Variants in CNTNAP5 observed in about 807,000 individuals in gnomAD.
The protein encoded by CNTNAP5 is contactin associated protein family member 5, also known as contactin-associated protein-like 5.
Under a neutral mutation model 150.2 loss-of-function variants are expected in CNTNAP5, and 72 were observed. The ratio of observed to expected loss-of-function variants is 0.48; its 90% confidence interval spans 0.40 to 0.58. The LOEUF (loss-of-function observed/expected upper bound fraction) is 0.58. CNTNAP5 is among the 20% of genes least tolerant of loss of function. The pLI is 0.00. For missense variants in CNTNAP5, 1,636 were observed against 1,626.2 expected, an observed-to-expected ratio of 1.01 and a Z score of -0.10; for synonymous variants, 672 against 619.8, an observed-to-expected ratio of 1.08 and a Z score of -1.25.
At chr2:124,438,479 G>T (rs1692591965) in intron 5 of CNTNAP5, among the ~76,000 whole-genome samples, 1 of 152,110 alleles carries the variant, frequency 6.6e-6, no homozygotes, top group Non-Finnish European at 1.5e-5. Flanking sequence ...TTTAACTGAG[G>T]CAGGATGTTT....
In CNTNAP5 at chr2:124,671,661, A is replaced by C. The variant is rs536309909; in HGVS notation, c.2077+23703A>C. On this transcript the variant is annotated intron_variant, in intron 13 of 23. Transcript: ENST00000682447. ...ATTTTTAGTTATTTATATTTTTGAG[A>C]TGGGGTCTCACTCTGTTGCCCAGGC... Among the ~76,000 whole-genome samples, 3 of 152,132 alleles carry C rather than the reference A, an allele frequency of 2.0e-5. No individual in the cohort carries two copies. In the South Asian group the frequency reaches 6.2e-4, roughly 32 times the overall value.
At chr2:124,713,318 CCTTTCTTTCTTT>C (rs200942591) in intron 13 of CNTNAP5, among the ~76,000 whole-genome samples, 1,564 of 43,894 alleles carry the variant, frequency 0.036, 89 homozygotes, top group Admixed American at 0.07. Flanking sequence ...CTCTTTCTTT[CCTTTCTTTCTTT>C]CTTTCTTTCT....
In CNTNAP5 at chr2:124,361,409, T is replaced by C. The variant is rs1032978349; in HGVS notation, c.382-56034T>C. ...TCTGCATTTTAGAGTTTCCAGATTT[T>C]CTGTTCTGTTTTTTCCCCATCTTTG... On this transcript the variant is annotated intron_variant, in intron 3 of 23. Coordinates refer to ENST00000682447, the MANE Select transcript of CNTNAP5 (RefSeq NM_001367498.1). 4.2e-5 allele frequency among the ~76,000 whole-genome samples: 6 copies of C among 143,812 alleles called. 2 individuals carry two copies. The highest frequency in any genetic ancestry group is 9.2e-5 in the Non-Finnish European group (6 of 65,348). 94.3% of individuals were successfully genotyped at this position (143,812 alleles called of 152,430 possible). A position where few individuals can be genotyped will look rare whatever the true frequency, so the allele number is the denominator to read the frequency against.
In CNTNAP5 at chr2:124,914,372, A is replaced by G. The variant is rs755883652; in HGVS notation, c.*84A>G. 7.1e-6 allele frequency: 7 copies of G among 989,710 alleles called. No individual in the cohort carries two copies. Among genetic ancestry groups the G allele is most frequent in the Non-Finnish European group, 1.1e-5 (7 of 661,872 alleles). The allele number at this position is 989,710 out of a possible 1,614,324, so 61.3% of individuals were successfully genotyped here. On this transcript the variant is annotated 3_prime_UTR_variant, in exon 24 of 24. Coordinates refer to ENST00000682447, the MANE Select transcript of CNTNAP5 (RefSeq NM_001367498.1). ...TTCTCTCCTGTCTTTTGATTTGGTCATTCTCTTTATTTTCTGCTTGCCATG... is the reference window on the plus strand; with the variant it reads ...TTCTCTCCTGTCTTTTGATTTGGTCGTTCTCTTTATTTTCTGCTTGCCATG...
intron 11 of CNTNAP5, among the ~76,000 whole-genome samples, chr2:124,598,539 CTCT>C (rs201041505): frequency 0.42 from 60,027 of 144,218 alleles, 12,238 homozygotes; most frequent in East Asian, 0.77. Flanking sequence ...AACCACTGCT[CTCT>C]TCAAGGCTGT....
chr2:124,392,214 G>T (rs936553895), intron 3 of CNTNAP5, among the ~76,000 whole-genome samples: 8 of 152,100 alleles, frequency 5.3e-5, no homozygotes, highest in Non-Finnish European at 8.8e-5. Flanking sequence ...TTACTGTGAA[G>T]AAATGTTAGC....
At chr2:124,433,492 G>C (rs557307716) in intron 4 of CNTNAP5, among the ~76,000 whole-genome samples, 1 of 152,070 alleles carries the variant, frequency 6.6e-6, no homozygotes, top group Non-Finnish European at 1.5e-5. Context: ...TCAGGCTGAG[G>C]ATTTTAATTA....
intron 1 of CNTNAP5, among the ~76,000 whole-genome samples, chr2:124,154,344 C>T (rs1684475671): frequency 6.6e-6 from 1 of 151,986 alleles, no homozygotes; most frequent in African/African-American, 2.4e-5. Context: ...GTAGTAGGTG[C>T]CAGAGACAAG....
intron 1 of CNTNAP5, among the ~76,000 whole-genome samples, chr2:124,103,450 G>A (rs1287548833): frequency 3.9e-5 from 6 of 151,916 alleles, no homozygotes; most frequent in Non-Finnish European, 4.4e-5. Flanking sequence ...CTGAGTCACC[G>A]AGAGCAACTT....
At chr2:124,487,631 G>A (rs1008248460) in intron 7 of CNTNAP5, among the ~76,000 whole-genome samples, 5 of 151,888 alleles carry the variant, frequency 3.3e-5, no homozygotes, top group Admixed American at 6.6e-5. Context: ...CATACACACG[G>A]AATGAGCTTG....
intron 3 of CNTNAP5, among the ~76,000 whole-genome samples, chr2:124,324,481 G>A (rs1471831229): frequency 1.3e-5 from 2 of 152,218 alleles, no homozygotes; most frequent in Non-Finnish European, 2.9e-5. Context: ...GCGGTAAATG[G>A]AATATGGGAC....
chr2:124,803,167 A>G (rs967735157), intron 19 of CNTNAP5, among the ~76,000 whole-genome samples: 2 of 151,908 alleles, frequency 1.3e-5, no homozygotes, highest in Non-Finnish European at 2.9e-5. Context: ...TAAAAAAACG[A>G]ATGTCATCGA....
At chr2:124,425,795 G>A (rs1372539629) in intron 4 of CNTNAP5, among the ~76,000 whole-genome samples, 2 of 152,112 alleles carry the variant, frequency 1.3e-5, no homozygotes, top group African/African-American at 4.8e-5. Flanking sequence ...CGAGTTCCTC[G>A]GTGGCATGGC....
chr2:124,461,505 C>T (rs1273118400), intron 6 of CNTNAP5, among the ~76,000 whole-genome samples: 1 of 124,252 alleles, frequency 8.0e-6, no homozygotes, highest in South Asian at 2.6e-4. Context: ...GGAAGGGGAA[C>T]ATCACACTCA....
intron 19 of CNTNAP5, among the ~76,000 whole-genome samples, chr2:124,838,151 ATAGTTAACATT>A (rs1278741230): frequency 2.6e-5 from 4 of 152,158 alleles, no homozygotes; most frequent in Non-Finnish European, 5.9e-5. Flanking sequence ...AATTGCAAGA[ATAGTTAACATT>A]TAGGAATATT....
intron 3 of CNTNAP5, among the ~76,000 whole-genome samples, chr2:124,269,999 T>A (rs1014465896): frequency 4.6e-5 from 7 of 152,216 alleles, no homozygotes; most frequent in Middle Eastern, 3.4e-3. Context: ...TTATATTTTT[T>A]AAAAAATATA....
In CNTNAP5 at chr2:124,888,708, G is replaced by A. The variant is rs2791630; in HGVS notation, c.3437-14174G>A. On this transcript the variant is annotated intron_variant, in intron 21 of 23. Coordinates refer to ENST00000682447, the MANE Select transcript of CNTNAP5 (RefSeq NM_001367498.1). ...TCTCTCTAACAATTAGTGATGTTGA[G>A]CATTTTTTCATAAGTCTGTCACTTG... Among the ~76,000 whole-genome samples, 415 of 152,132 alleles carry A rather than the reference G, an allele frequency of 2.7e-3. 5 individuals are homozygous for A. Among genetic ancestry groups the A allele is most frequent in the African/African-American group, 9.4e-3 (392 of 41,538 alleles).
intron 11 of CNTNAP5, among the ~76,000 whole-genome samples, chr2:124,602,931 A>G (rs1178059118): frequency 6.6e-6 from 1 of 152,208 alleles, no homozygotes; most frequent in Non-Finnish European, 1.5e-5. Flanking sequence ...ATCAAAATTA[A>G]AAATACTTAA....
intron 8 of CNTNAP5, among the ~76,000 whole-genome samples, chr2:124,512,495 GA>G (rs1318819373): frequency 6.6e-6 from 1 of 151,978 alleles, no homozygotes; most frequent in Admixed American, 6.5e-5. Context: ...AAAATCTCTG[GA>G]CAAAAGGTGA....
Sources: allele counts gnomAD v4.1 joint callset (sites outside exome capture counted in the v4.1 genomes callset), GRCh38; gene constraint gnomAD v4.1.1; transcripts MANE v1.5; gene names NCBI Gene and HGNC (gene_info 2026-07-23, HGNC 2026-07-21).